GLIPR1: variants seen among roughly 807,000 people sequenced by gnomAD.
The protein encoded by GLIPR1 is GLI pathogenesis related 1.
A neutral mutation model predicts 30.3 loss-of-function variants in GLIPR1; 38 were observed. That is an observed-to-expected ratio of 1.26 (90% CI 0.97 to 1.65). GLIPR1 has a LOEUF of 1.65. Ranked by LOEUF, GLIPR1 falls within the 40% of genes most tolerant of loss-of-function variation. GLIPR1 has a pLI of 0.00. For missense variants in GLIPR1, 285 were observed against 326.5 expected (o/e 0.87, Z 0.98); for synonymous variants, 122 against 110.6 (o/e 1.10, Z -0.65).
chr12:75,500,345 A>T lies in GLIPR1; in HGVS notation c.*1367A>T, dbSNP rs1423312479. 6.5e-6 allele frequency: 1 copy of T among 152,686 alleles called. No individual in the cohort carries two copies. The highest frequency in any genetic ancestry group is 2.4e-5 in the African/African-American group (1 of 41,434). 9.5% of individuals were successfully genotyped at this position (152,686 alleles called of 1,614,324 possible). A position where few individuals can be genotyped will look rare whatever the true frequency, so the allele number is the denominator to read the frequency against. ...GTCATTATTTTCCATCTTGCACATT[A>T]AAATAATTTAAAATTACATGTATCC... is the stretch of plus-strand genomic sequence containing the variant. On this transcript the variant is annotated 3_prime_UTR_variant, in exon 6 of 6. Coordinates refer to ENST00000266659, the MANE Select transcript of GLIPR1 (RefSeq NM_006851.3).
intron 4 of GLIPR1, 32 bp downstream of exon 4, chr12:75,495,694 A>G (rs2046346316): frequency 4.3e-6 from 5 of 1,165,054 alleles, no homozygotes; most frequent in Non-Finnish European, 6.4e-6. Flanking sequence ...CCAATAGAAT[A>G]ACATAATAGT....
intron 4 of GLIPR1, chr12:75,495,997 G>GTTTTTTTTTTTTTTTTTTTTTTTT (rs370713345): frequency 7.6e-6 from 1 of 132,126 alleles, no homozygotes; most frequent in African/African-American, 3.0e-5. Context: ...TTCTGTTTTC[G>GTTTTTTTTTTTTTTTTTTTTTTTT]TTTTTTTTTT....
Position 75,500,506 on chromosome 12 carries a change from TGTTA to T in GLIPR1, c.*1530_*1533del, listed in dbSNP as rs2046385048. The stretch of plus-strand genomic sequence containing the variant: ...ATATTCAATGAATTAATTCATTTAA[TGTTA>T]GATTAATTCATTGAATATTAATTCA... On this transcript the variant is annotated 3_prime_UTR_variant, in exon 6 of 6. Transcript: ENST00000266659. The T allele has an allele frequency of 6.6e-6, 1 of 151,914 alleles. No individual in the cohort carries two copies. The highest frequency in any genetic ancestry group is 6.6e-5 in the Admixed American group (1 of 15,208). 9.4% of individuals were successfully genotyped at this position (151,914 alleles called of 1,614,324 possible).
chr12:75,493,568 A>G (rs1241842940), intron 3 of GLIPR1: 2 of 152,190 alleles, frequency 1.3e-5, no homozygotes, highest in Non-Finnish European at 2.9e-5. Context: ...TTTGACCACA[A>G]GATAGTCAAG....
chr12:75,496,987 G>GT (rs2046355679), intron 4 of GLIPR1: 1 of 152,100 alleles, frequency 6.6e-6, no homozygotes, highest in Non-Finnish European at 1.5e-5. Flanking sequence ...TAATATCAAG[G>GT]TATCAATGTA....
intron 4 of GLIPR1, chr12:75,498,191 A>T (rs768518541): frequency 6.6e-6 from 1 of 152,348 alleles, no homozygotes; most frequent in Non-Finnish European, 1.5e-5. Flanking sequence ...TCAAAATTTG[A>T]ATAAAGCTCA....
At chr12:75,490,153 A>G (rs1315302365) in intron 2 of GLIPR1, among the ~76,000 whole-genome samples, 3 of 150,578 alleles carry the variant, frequency 2.0e-5, no homozygotes, top group Admixed American at 1.3e-4. Flanking sequence ...CTATTGCATT[A>G]CCGTTTTATT....
intron 2 of GLIPR1, chr12:75,484,695 G>A (rs1330462094): frequency 6.6e-6 from 1 of 152,214 alleles, no homozygotes; most frequent in East Asian, 1.9e-4. Flanking sequence ...GGCAGGGGTG[G>A]GAGTCACAAG....
chr12:75,488,675 A>G (rs7299877), intron 2 of GLIPR1, among the ~76,000 whole-genome samples: 49,391 of 152,116 alleles, frequency 0.32, 8,654 homozygotes, highest in East Asian at 0.46. Context: ...CTGCAGCCAC[A>G]CTGGCTTTTC....
chr12:75,489,172 GA>G (rs1204114344), intron 2 of GLIPR1, among the ~76,000 whole-genome samples: 4 of 152,198 alleles, frequency 2.6e-5, no homozygotes, highest in African/African-American at 9.6e-5. Context: ...CTTTTGTTCA[GA>G]AAGCAAAAGA....
rs560837835 is a variant in GLIPR1 at position 75,499,197 on chromosome 12, T to G, written c.*219T>G. The G allele has an allele frequency of 2.6e-6, 1 of 379,186 alleles. No individual in the cohort carries two copies. Among genetic ancestry groups the G allele is most frequent in the Non-Finnish European group, 4.7e-6 (1 of 213,602 alleles). 23.5% of individuals were successfully genotyped at this position (379,186 alleles called of 1,614,324 possible). ...ATTTGCAGGTTGCCACAGGTGGACTTTTAGTAAGTAACCTAACCCATGTTT... is the reference window on the plus strand; with the variant it reads ...ATTTGCAGGTTGCCACAGGTGGACTGTTAGTAAGTAACCTAACCCATGTTT... On this transcript the variant is annotated 3_prime_UTR_variant, in exon 6 of 6. Transcript: ENST00000266659.
chr12:75,495,675 A>C lies in GLIPR1; in HGVS notation c.619+13A>C. On this transcript the variant is annotated intron_variant, in intron 4 of 5. Coordinates refer to ENST00000266659, the MANE Select transcript of GLIPR1 (RefSeq NM_006851.3). ...GACAATCTCTGTGGTGAGTAAAAGG[A>C]ACAATACACCAATAGAATAACATAA... is the stretch of plus-strand genomic sequence containing the variant. The C allele has an allele frequency of 7.0e-7, 1 of 1,426,394 alleles. No homozygotes were observed. 88.4% of individuals were successfully genotyped at this position (1,426,394 alleles called of 1,614,324 possible). A position where few individuals can be genotyped will look rare whatever the true frequency, so the allele number is the denominator to read the frequency against.
Position 75,498,847 on chromosome 12 carries a change from G to T in GLIPR1, c.670G>T (p.Gly224Cys). 2 of 1,612,530 alleles carry T rather than the reference G, an allele frequency of 1.2e-6. No individual in the cohort carries two copies. Among genetic ancestry groups the T allele is most frequent in the Non-Finnish European group, 1.7e-6 (2 of 1,178,984 alleles). Residue 224 changes from glycine (G) to cysteine (C), a missense_variant, in exon 6 of 6, where the codon GGC becomes TGC. By Grantham distance (159) the Gly-to-Cys change is radical (BLOSUM62 -3). Coordinates refer to ENST00000266659, the MANE Select transcript of GLIPR1 (RefSeq NM_006851.3). ...AGGTTACTACTCTGTTGTATATCCA[G>T]GCTGGCCCATATATCCACGTAACAG... is the stretch of plus-strand genomic sequence containing the variant. ...VKRYYSVVYP[G>C]WPIYPRNRYT... is the part of the protein sequence containing the mutation.
rs760760484 is a variant in GLIPR1, at chr12:75,499,870, G to A, written c.*892G>A. 1 of 1,608,690 alleles carries A rather than the reference G, an allele frequency of 6.2e-7. No homozygotes were observed. The highest frequency in any genetic ancestry group is 1.1e-5 in the South Asian group (1 of 90,510). ...CATCTTAAGTGCAATTTCTTCAGCT[G>A]TAAGAGCTCCCAGTTTCTTATTCTT... On this transcript the variant is annotated 3_prime_UTR_variant, in exon 6 of 6. Coordinates refer to ENST00000266659, the MANE Select transcript of GLIPR1 (RefSeq NM_006851.3).
Position 75,490,757 on chromosome 12 carries a change from A to G in GLIPR1, c.533+239A>G, listed in dbSNP as rs1283462775. On this transcript the variant is annotated intron_variant, in intron 3 of 5. Coordinates refer to ENST00000266659, the MANE Select transcript of GLIPR1 (RefSeq NM_006851.3). ...GTGTGTGTGTGTACATCCTTTATATATACTACCTAAATACATACGCACATA... is the reference window on the plus strand; with the variant it reads ...GTGTGTGTGTGTACATCCTTTATATGTACTACCTAAATACATACGCACATA... 1.6e-5 allele frequency: 6 copies of G among 364,504 alleles called. No individual in the cohort carries two copies. In the East Asian group the frequency reaches 3.3e-4, roughly 20 times the overall value. The allele number at this position is 364,504 out of a possible 1,614,324, so 22.6% of individuals were successfully genotyped here.
rs1437023926 is a variant in GLIPR1 at position 75,490,230 on chromosome 12, CA to C, written c.421-175del. 3.7e-3 allele frequency among the ~76,000 whole-genome samples: 517 copies of C among 140,792 alleles called. 1 individual carries two copies. The highest frequency in any genetic ancestry group is 7.7e-3 in the Admixed American group (109 of 14,218). The allele number at this position is 140,792 out of a possible 152,430, so 92.4% of individuals were successfully genotyped here. A position where few individuals can be genotyped will look rare whatever the true frequency, so the allele number is the denominator to read the frequency against. On this transcript the variant is annotated intron_variant, in intron 2 of 5. Coordinates refer to ENST00000266659, the MANE Select transcript of GLIPR1 (RefSeq NM_006851.3). ...ACACACACACACACACACACACACA[CA>C]CACCCCAATAATGGTAACTACAGGT...
chr12:75,495,658 CTG>C lies in GLIPR1; in HGVS notation c.618_619del (p.Val207Ter), dbSNP rs1566099902. Reference protein sequence around the residue: ...PNNDKCLDNLCVNRQRDQVKR... With the variant: ...PNNDKCLDNLXVNRQRDQVKR... ...ATAATGACAAGTGTTTGGACAATCT[CTG>C]TGGTGAGTAAAAGGAACAATACACC... On this transcript the variant is annotated frameshift_variant and splice_region_variant, in exon 4 of 6. Transcript: ENST00000266659. LOFTEE classifies it low-confidence loss of function (END_TRUNC). The C allele has an allele frequency of 6.3e-7, 1 of 1,589,310 alleles. No homozygotes were observed. The highest frequency in any genetic ancestry group is 2.2e-5 in the East Asian group (1 of 44,740).
chr12:75,503,364 A>T lies in GLIPR1; in HGVS notation c.*4386A>T, dbSNP rs1168244099. 1.3e-5 allele frequency: 2 copies of T among 152,094 alleles called. No homozygotes were observed. The highest frequency in any genetic ancestry group is 4.8e-5 in the African/African-American group (2 of 41,428). The allele number at this position is 152,094 out of a possible 1,614,324, so 9.4% of individuals were successfully genotyped here. A position where few individuals can be genotyped will look rare whatever the true frequency, so the allele number is the denominator to read the frequency against. ...TGCAAGGAAGAAGTCAAGTTTTTAG[A>T]CTGATCCAAGTTTTAGAGCTTTGCT... On this transcript the variant is annotated 3_prime_UTR_variant, in exon 6 of 6. Coordinates refer to ENST00000266659, the MANE Select transcript of GLIPR1 (RefSeq NM_006851.3).
chr12:75,481,798 G>T, intron 1 of GLIPR1, 36 bp from the exon 2 acceptor site: 1 of 1,605,568 alleles, frequency 6.2e-7, no homozygotes, highest in Non-Finnish European at 8.5e-7. Flanking sequence ...TTACATTTCA[G>T]ATGAACCCCC....
Sources: allele counts gnomAD v4.1 joint callset (sites outside exome capture counted in the v4.1 genomes callset), GRCh38; gene constraint gnomAD v4.1.1; transcripts MANE v1.5; gene names NCBI Gene and HGNC (gene_info 2026-07-23, HGNC 2026-07-21).